The following EPHA6 variants were observed in gnomAD, a reference collection of about 807,000 sequenced individuals.
EPHA6 encodes EPH receptor A6.
In EPHA6, 50 loss-of-function variants were observed where a neutral mutation model predicts 112.0. The observed-to-expected ratio is 0.45, with a 90% CI of 0.36 to 0.56. EPHA6 has a LOEUF of 0.56. Ranked by LOEUF, EPHA6 falls within the 20% of genes least tolerant of loss-of-function variation. The pLI is 0.00. For missense variants in EPHA6, 1,280 were observed against 1,417.4 expected (o/e 0.90, Z 1.56); for synonymous variants, 529 against 490.7 (o/e 1.08, Z -1.03).
At position 97,056,232 on chromosome 3, in the gene EPHA6, C is replaced by A. The variant is rs112464785; in HGVS notation, c.1114+68239C>A. Among the ~76,000 whole-genome samples the A allele has an allele frequency of 5.3e-3, 811 of 152,236 alleles. 6 individuals carry two copies. Among genetic ancestry groups the A allele is most frequent in the African/African-American group, 0.018 (733 of 41,544 alleles). On this transcript the variant is annotated intron_variant, in intron 3 of 17. Coordinates refer to ENST00000389672, the MANE Select transcript of EPHA6 (RefSeq NM_001080448.3). ...ACGTCTATTGGTGCTACTATATAAT[C>A]TACTGTGTCTGAAAGTCACAATTTA...
intron 11 of EPHA6, among the ~76,000 whole-genome samples, chr3:97,575,821 AT>A (rs534813609): frequency 5.8e-4 from 88 of 152,338 alleles, no homozygotes; most frequent in Admixed American, 2.1e-3. Context: ...ATAAAAAGTG[AT>A]GGCAATAATC....
chr3:97,044,156 T>A (rs1325353942), intron 3 of EPHA6, among the ~76,000 whole-genome samples: 1 of 152,246 alleles, frequency 6.6e-6, no homozygotes, highest in East Asian at 1.9e-4. Flanking sequence ...GTCCTTTTTA[T>A]GTTTTAGGAT....
intron 6 of EPHA6, among the ~76,000 whole-genome samples, chr3:97,422,814 T>C (rs879590465): frequency 6.6e-6 from 1 of 152,208 alleles, no homozygotes; most frequent in Admixed American, 6.5e-5. Context: ...TAATCCACCA[T>C]GATCCATTAG....
At chr3:97,444,151 T>C (rs958447336) in intron 6 of EPHA6, among the ~76,000 whole-genome samples, 4 of 152,312 alleles carry the variant, frequency 2.6e-5, no homozygotes, top group South Asian at 2.1e-4. Flanking sequence ...ATTGTTATTA[T>C]GATTGTTGTT....
chr3:96,830,215 A>G (rs1232383954), intron 1 of EPHA6, among the ~76,000 whole-genome samples: 2 of 152,140 alleles, frequency 1.3e-5, no homozygotes, highest in African/African-American at 4.8e-5. Context: ...ATTCTAATTT[A>G]GGTTCAAAAC....
At chr3:97,369,541 G>A (rs946511470) in intron 5 of EPHA6, among the ~76,000 whole-genome samples, 8 of 152,114 alleles carry the variant, frequency 5.3e-5, no homozygotes, top group Non-Finnish European at 8.8e-5. Flanking sequence ...AGATACTGGC[G>A]TGGGGAAAGC....
intron 4 of EPHA6, among the ~76,000 whole-genome samples, chr3:97,242,324 G>A (rs1454343386): frequency 2.0e-5 from 3 of 151,646 alleles, no homozygotes; most frequent in Non-Finnish European, 2.9e-5. Flanking sequence ...CCAGTTCCAT[G>A]GTTATTTCAA....
intron 1 of EPHA6, among the ~76,000 whole-genome samples, chr3:96,822,439 T>A (rs2033333877): frequency 6.6e-6 from 1 of 151,798 alleles, no homozygotes; most frequent in Admixed American, 6.6e-5. Flanking sequence ...GGATTCTGAG[T>A]CCTCCAGCTT....
In EPHA6 at chr3:97,324,427, T is replaced by TTCTTTC. The variant is rs1168565314; in HGVS notation, c.1606+80142_1606+80147dup. 5.7e-4 allele frequency among the ~76,000 whole-genome samples: 83 copies of TTCTTTC among 146,434 alleles called. 1 individual carries two copies. Among genetic ancestry groups the TTCTTTC allele is most frequent in the African/African-American group, 1.8e-3 (71 of 39,340 alleles). On this transcript the variant is annotated intron_variant, in intron 5 of 17. Coordinates refer to ENST00000389672, the MANE Select transcript of EPHA6 (RefSeq NM_001080448.3). Reference sequence around the variant, plus strand: ...TTCTTTTCTTTCTTTCTTTCTTTCTTTCTTTCTTTCTTTCTTTCTTTCTTT... The same window carrying TTCTTTC: ...TTCTTTTCTTTCTTTCTTTCTTTCTTTCTTTCTCTTTCTTTCTTTCTTTCTTTCTTT...
intron 1 of EPHA6, among the ~76,000 whole-genome samples, chr3:96,857,882 C>T (rs1205997238): frequency 1.3e-5 from 2 of 151,936 alleles, no homozygotes; most frequent in African/African-American, 2.4e-5. Flanking sequence ...ATTATTGTGT[C>T]CGGTTTAATG....
intron 5 of EPHA6, among the ~76,000 whole-genome samples, chr3:97,249,378 A>T (rs894663865): frequency 6.6e-6 from 1 of 152,204 alleles, no homozygotes; most frequent in Non-Finnish European, 1.5e-5. Context: ...TAATGATTAT[A>T]GTGCAGCCAA....
At chr3:97,719,059 T>C (rs1197478847) in intron 14 of EPHA6, among the ~76,000 whole-genome samples, 1 of 144,858 alleles carries the variant, frequency 6.9e-6, no homozygotes, top group African/African-American at 2.5e-5. Flanking sequence ...ATTGTTCCCA[T>C]TTTGGATGAA....
intron 2 of EPHA6, among the ~76,000 whole-genome samples, chr3:96,954,808 A>G (rs1328600909): frequency 2.5e-5 from 2 of 80,136 alleles, no homozygotes; most frequent in South Asian, 4.2e-4. Flanking sequence ...TTTTTTTGAG[A>G]CGGAGTCTCG....
At chr3:97,118,220 C>T (rs2047947610) in intron 3 of EPHA6, among the ~76,000 whole-genome samples, 1 of 151,704 alleles carries the variant, frequency 6.6e-6, no homozygotes, top group Non-Finnish European at 1.5e-5. Flanking sequence ...AATCTGTCAA[C>T]TTCTGATTCA....
chr3:97,206,289 G>T (rs973150557), intron 3 of EPHA6, among the ~76,000 whole-genome samples: 1 of 151,696 alleles, frequency 6.6e-6, no homozygotes, highest in African/African-American at 2.4e-5. Context: ...AATAAATTTG[G>T]TATACTGTCA....
chr3:97,104,516 G>C (rs1042966901), intron 3 of EPHA6, among the ~76,000 whole-genome samples: 1 of 152,050 alleles, frequency 6.6e-6, no homozygotes, highest in African/African-American at 2.4e-5. Flanking sequence ...TGGTGGATAA[G>C]CTTTTTGATG....
At chr3:97,160,964 A>G (rs1315699246) in intron 3 of EPHA6, among the ~76,000 whole-genome samples, 1 of 152,150 alleles carries the variant, frequency 6.6e-6, no homozygotes, top group East Asian at 1.9e-4. Context: ...CCATGAGGCC[A>G]TAGGTGCAGA....
chr3:96,984,367 G>A (rs908037836), intron 2 of EPHA6, among the ~76,000 whole-genome samples: 21 of 152,126 alleles, frequency 1.4e-4, no homozygotes, highest in Non-Finnish European at 2.9e-4. Flanking sequence ...GCAGAACACC[G>A]AATATTGCTG....
chr3:96,837,189 A>G (rs574395993), intron 1 of EPHA6, among the ~76,000 whole-genome samples: 1 of 152,252 alleles, frequency 6.6e-6, no homozygotes, highest in East Asian at 1.9e-4. Context: ...AAACAGATGG[A>G]CATAGCTTCT....
Sources: allele counts gnomAD v4.1 joint callset (sites outside exome capture counted in the v4.1 genomes callset), GRCh38; gene constraint gnomAD v4.1.1; transcripts MANE v1.5; gene names NCBI Gene and HGNC (gene_info 2026-07-23, HGNC 2026-07-21).